SLC24A1: variants seen among roughly 807,000 people sequenced by gnomAD.
SLC24A1 encodes the protein sodium/potassium/calcium exchanger 1.
A neutral mutation model predicts 88.1 loss-of-function variants in SLC24A1; 52 were observed. The ratio of observed to expected loss-of-function variants is 0.59; its 90% confidence interval spans 0.47 to 0.74. SLC24A1 has a LOEUF of 0.74. Ranked by LOEUF, SLC24A1 falls within the 30% of genes least tolerant of loss-of-function variation. The pLI, the probability that SLC24A1 is intolerant of heterozygous loss-of-function variation, is 0.00. For missense variants in SLC24A1, 1,173 were observed against 1,363.3 expected (o/e 0.86, Z 2.20); for synonymous variants, 455 against 498.0 (o/e 0.91, Z 1.15).
chr15:65,625,191 C>G lies in SLC24A1; in HGVS notation c.1111C>G (p.Pro371Ala). The G allele has an allele frequency of 1.9e-6, 3 of 1,613,918 alleles. No homozygotes were observed. The highest frequency in any genetic ancestry group is 2.5e-6 in the Non-Finnish European group (3 of 1,179,882). ...PAIVWRLAKK[P>A]STAPSTSTTP... ...CATAGTCTGGAGGCTGGCAAAGAAA[C>G]CTTCCACAGCACCCAGCACCTCAAC... is the stretch of plus-strand genomic sequence containing the variant. Residue 371 changes from proline to alanine, a missense_variant, in exon 2 of 10, where the codon CCT (proline) becomes GCT (alanine). Pro to Ala is a conservative substitution (Grantham distance 27). Coordinates refer to ENST00000261892, the MANE Select transcript of SLC24A1 (RefSeq NM_004727.3).
At chr15:65,616,487 G>A (rs1254778167) in intron 2 of SLC24A1, among the ~76,000 whole-genome samples, 1 of 152,248 alleles carries the variant, frequency 6.6e-6, no homozygotes, top group Non-Finnish European at 1.5e-5. Context: ...CAGTGATGAT[G>A]AGCATTTTTT....
chr15:65,628,306 C>T (rs1246268029), intron 2 of SLC24A1, among the ~76,000 whole-genome samples: 2 of 152,156 alleles, frequency 1.3e-5, no homozygotes, highest in Admixed American at 1.3e-4. Flanking sequence ...ATGCTTATTT[C>T]CCTTTAACCA....
intron 2 of SLC24A1, among the ~76,000 whole-genome samples, chr15:65,632,440 G>A (rs148105566): frequency 9.9e-4 from 151 of 152,222 alleles, no homozygotes; most frequent in African/African-American, 3.5e-3. Context: ...GAGACACTTT[G>A]GAATAGTGAG....
At chr15:65,651,638 T>C in intron 7 of SLC24A1, 32 bp from the exon 8 acceptor site, 1 of 1,167,112 alleles carries the variant, frequency 8.6e-7, no homozygotes, top group Non-Finnish European at 1.3e-6. Context: ...CCTCTACAGC[T>C]TACTTCTTGT....
chr15:65,658,665 T>G (rs1328114208), downstream of SLC24A1, among the ~76,000 whole-genome samples: 1 of 152,212 alleles, frequency 6.6e-6, no homozygotes, highest in Non-Finnish European at 1.5e-5. Context: ...GCATTTCCTT[T>G]GAGCATCATG....
In SLC24A1 at chr15:65,651,702, G is replaced by GGGATCTATCATGTGGATCTATCATGT. The variant is rs745809580; in HGVS notation, c.2843_2844insCTATCATGTGGATCTATCATGTGGAT (p.Ala949TyrfsTer9). The GGGATCTATCATGTGGATCTATCATGT allele has an allele frequency of 1.2e-6, 2 of 1,609,916 alleles. No homozygotes were observed. The highest frequency in any genetic ancestry group is 2.2e-5 in the South Asian group (2 of 90,864). The stretch of plus-strand genomic sequence containing the variant: ...GGAAGTTTTTTGTTTTCACCTTCCT[G>GGGATCTATCATGTGGATCTATCATGT]GGATCTATCATGTGGATAGCCATGT... On this transcript the variant is annotated frameshift_variant, in exon 8 of 10. Transcript: ENST00000261892. LOFTEE classifies it high-confidence loss of function.
rs1251816705 is a variant in SLC24A1 at position 65,650,501 on chromosome 15, A to G, written c.2352A>G (p.Glu784=). ...AAACTCAACCAGAAGGTGAAGGTGAAACTGAAACACAAGGAAAAGGAGAAG... is the reference window on the plus strand; with the variant it reads ...AAACTCAACCAGAAGGTGAAGGTGAGACTGAAACACAAGGAAAAGGAGAAG... The part of the protein sequence containing the change: ...GGETQPEGEG[E]TETQGKGEEC... The change falls in exon 7 of 10, where the codon GAA becomes GAG. Residue 784 remains glutamate (E), a synonymous_variant. Transcript: ENST00000261892. The surrounding 1 kb of genome is among the most constrained non-coding windows in gnomAD (Gnocchi z 4.1). 7.1e-6 allele frequency: 11 copies of G among 1,551,706 alleles called. No individual in the cohort carries two copies. Among genetic ancestry groups the G allele is most frequent in the Non-Finnish European group, 9.6e-6 (11 of 1,147,022 alleles).
At chr15:65,614,680 A>G (rs1012346761) in intron 2 of SLC24A1, among the ~76,000 whole-genome samples, 10 of 152,248 alleles carry the variant, frequency 6.6e-5, no homozygotes, top group African/African-American at 2.4e-4. Context: ...GAACAAAGAA[A>G]AGCTTTACAC....
rs2075659902 is a variant in SLC24A1 at position 65,655,708 on chromosome 15, C to T, written c.*1629C>T. Reference sequence around the variant, plus strand: ...AGGACGGATGTGATATGAAAAAAACCCAAACATTTTGGCATTGAATGATGG... The same window carrying T: ...AGGACGGATGTGATATGAAAAAAACTCAAACATTTTGGCATTGAATGATGG... On this transcript the variant is annotated 3_prime_UTR_variant, in exon 10 of 10. Transcript: ENST00000261892. 1 of 985,220 alleles carries T rather than the reference C, an allele frequency of 1.0e-6. No individual in the cohort carries two copies. The highest frequency in any genetic ancestry group is 5.2e-4 in the Middle Eastern group (1 of 1,914). The allele number at this position is 985,220 out of a possible 1,614,324, so 61.0% of individuals were successfully genotyped here.
At position 65,654,072 on chromosome 15, in the gene SLC24A1, C is replaced by A; in HGVS notation, c.3293C>A (p.Ser1098Tyr). ...GATCGAATCATATCCTGTCCTGTAT[C>A]TGTCTGAATCAGTCACTCTTGCTCA... The part of the protein sequence containing the change: ...LEDRIISCPV[S>Y]V The change falls in exon 10 of 10, where the codon TCT (serine) becomes TAT (tyrosine). Residue 1098 changes from serine to tyrosine, a missense_variant. Physicochemically the swap from Ser to Tyr is moderately radical, Grantham distance 144. Coordinates refer to ENST00000261892, the MANE Select transcript of SLC24A1 (RefSeq NM_004727.3). The A allele has an allele frequency of 6.2e-7, 1 of 1,611,844 alleles. No homozygotes were observed. Among genetic ancestry groups the A allele is most frequent in the Non-Finnish European group, 8.5e-7 (1 of 1,178,184 alleles).
At position 65,625,080 on chromosome 15, in the gene SLC24A1, G is replaced by C; in HGVS notation, c.1000G>C (p.Ala334Pro). ...AAGCACCATGACAGGCAGCAGCCCA[G>C]CAGAAACCAAAGCCTTCACTGCTGC... is the stretch of plus-strand genomic sequence containing the variant. ...TISTMTGSSP[A>P]ETKAFTAAWS... The change falls in exon 2 of 10, where the codon GCA becomes CCA. Residue 334 changes from alanine to proline, a missense_variant. Physicochemically the swap from Ala to Pro is conservative, Grantham distance 27. Transcript: ENST00000261892. 6.2e-7 allele frequency: 1 copy of C among 1,613,656 alleles called. No homozygotes were observed. Among genetic ancestry groups the C allele is most frequent in the Admixed American group, 1.7e-5 (1 of 60,024 alleles).
At chr15:65,646,193 G>A (rs1179920058) in intron 6 of SLC24A1, among the ~76,000 whole-genome samples, 1 of 152,082 alleles carries the variant, frequency 6.6e-6, no homozygotes. Context: ...CTTCTACCAT[G>A]CTCCAGCCAA....
chr15:65,635,446 C>CAAAAAAAAAAAAAAAAAAA (rs56960432), intron 2 of SLC24A1, among the ~76,000 whole-genome samples: 18 of 58,344 alleles, frequency 3.1e-4, no homozygotes, highest in South Asian at 8.9e-4. Context: ...ACTCCGTCTC[C>CAAAAAAAAAAAAAAAAAAA]AAAAAAAAAA....
At chr15:65,652,534 T>C in intron 8 of SLC24A1, 108 bp from the exon 9 acceptor site, 2 of 938,322 alleles carry the variant, frequency 2.1e-6, no homozygotes, top group Non-Finnish European at 3.3e-6. Flanking sequence ...GCTGAGGGGG[T>C]GTGGCTGAGC....
intron 2 of SLC24A1, among the ~76,000 whole-genome samples, chr15:65,629,243 C>A (rs571159204): frequency 6.6e-6 from 1 of 152,184 alleles, no homozygotes; most frequent in South Asian, 2.1e-4. Flanking sequence ...TTCACTTTAC[C>A]GTTTATTCTG....
At chr15:65,656,785 A>C (rs1011917007), downstream of SLC24A1, among the ~76,000 whole-genome samples, 1 of 152,270 alleles carries the variant, frequency 6.6e-6, no homozygotes, top group Non-Finnish European at 1.5e-5. Flanking sequence ...ATTCTTCCTC[A>C]TTTAATGGGT....
chr15:65,626,824 G>C (rs1052480192), intron 2 of SLC24A1, among the ~76,000 whole-genome samples: 1 of 152,128 alleles, frequency 6.6e-6, no homozygotes, highest in African/African-American at 2.4e-5. Flanking sequence ...GGGACTACAG[G>C]CACATACCAC....
At chr15:65,657,437 C>A (rs953597176), downstream of SLC24A1, among the ~76,000 whole-genome samples, 2 of 151,758 alleles carry the variant, frequency 1.3e-5, no homozygotes, top group African/African-American at 4.8e-5. Context: ...GTCAGTAGAT[C>A]GAGACCATCC....
intron 2 of SLC24A1, among the ~76,000 whole-genome samples, chr15:65,630,722 G>A (rs1380438128): frequency 6.6e-6 from 1 of 152,236 alleles, no homozygotes; most frequent in Non-Finnish European, 1.5e-5. Context: ...TGTAATCCCA[G>A]CACTTTGGGA....
Sources: gnomAD v4.1 joint callset for allele counts (sites outside exome capture counted in the v4.1 genomes callset) on GRCh38, gnomAD v4.1.1 for gene constraint, Gnocchi (gnomAD v3.1) non-coding constraint, MANE v1.5 for transcripts, NCBI Gene and HGNC (gene_info 2026-07-23, HGNC 2026-07-21) for gene names.